The following OR9Q1 variants were observed in gnomAD, a reference collection of about 807,000 sequenced individuals.
The protein encoded by OR9Q1 is olfactory receptor family 9 subfamily Q member 1, also known as olfactory receptor 9Q1.
For synonymous variants in OR9Q1, 153 were observed against 148.6 expected (o/e 1.03, Z -0.22); for missense variants, 374 against 378.8 (o/e 0.99, Z 0.11).
rs1288186083 is a variant in OR9Q1 at position 58,032,362 on chromosome 11, A to C, written c.-93+8258A>C. On this transcript the variant is annotated intron_variant, in intron 1 of 2. Transcript: ENST00000335397. ...TGGAGGCATTATATTATCTGACTTA[A>C]AACTATACTATAAGGCTACAGTAAC... Among the ~76,000 whole-genome samples the C allele has an allele frequency of 2.6e-5, 4 of 152,234 alleles. No homozygotes were observed. The East Asian group carries it at 7.7e-4, about 29-fold the overall frequency.
intron 2 of OR9Q1, among the ~76,000 whole-genome samples, chr11:58,071,231 T>TA (rs1320220646): frequency 2.0e-5 from 3 of 152,212 alleles, no homozygotes; most frequent in Non-Finnish European, 2.9e-5. Flanking sequence ...CTCACGCCTG[T>TA]AATCCCAGCA....
At chr11:58,158,936 T>C (rs551181418) in intron 2 of OR9Q1, among the ~76,000 whole-genome samples, 5 of 152,244 alleles carry the variant, frequency 3.3e-5, no homozygotes, top group African/African-American at 7.2e-5. Flanking sequence ...AGGTTCCTGA[T>C]AGCTCTTCAC....
rs183536312 is a variant in OR9Q1, at chr11:58,105,920, C to T, written c.-15+49973C>T. On this transcript the variant is annotated intron_variant, in intron 2 of 2. Coordinates refer to ENST00000335397, the MANE Select transcript of OR9Q1 (RefSeq NM_001005212.4). ...TAGGCTGTTGTGAGTAATGATGCAA[C>T]GAATGTGGGAGTGCAGATCTTTCTT... is the stretch of plus-strand genomic sequence containing the variant. 1.1e-3 allele frequency among the ~76,000 whole-genome samples: 165 copies of T among 152,124 alleles called. 2 individuals are homozygous for T. Among genetic ancestry groups the T allele is most frequent in the African/African-American group, 2.4e-4 (10 of 41,530 alleles).
At chr11:58,094,762 A>C (rs537634384) in intron 2 of OR9Q1, among the ~76,000 whole-genome samples, 1 of 152,218 alleles carries the variant, frequency 6.6e-6, no homozygotes, top group African/African-American at 2.4e-5. Context: ...AAAATGAACA[A>C]AATTGCCTTT....
chr11:58,030,042 A>G (rs562011098), intron 1 of OR9Q1, among the ~76,000 whole-genome samples: 9 of 152,124 alleles, frequency 5.9e-5, no homozygotes, highest in Non-Finnish European at 8.8e-5. Flanking sequence ...GGGTTTCACA[A>G]TGTTGGCCAG....
Position 58,088,878 on chromosome 11 carries a change from C to CT in OR9Q1, c.-15+32940dup, listed in dbSNP as rs567628509. Among the ~76,000 whole-genome samples the CT allele has an allele frequency of 1.4e-3, 215 of 150,100 alleles. 1 individual carries two copies. The East Asian group carries it at 0.017, about 12-fold the overall frequency. ...ATTTTGGCTTTTGTTGCAATTGCTT[C>CT]TTTTTTTTTGTTTTTGAGACGGAGT... On this transcript the variant is annotated intron_variant, in intron 2 of 2. Coordinates refer to ENST00000335397, the MANE Select transcript of OR9Q1 (RefSeq NM_001005212.4).
Position 58,111,984 on chromosome 11 carries a change from G to C in OR9Q1, c.-15+56037G>C, listed in dbSNP as rs150687844. Among the ~76,000 whole-genome samples, 413 of 152,200 alleles carry C rather than the reference G, an allele frequency of 2.7e-3. 1 individual carries two copies. Among genetic ancestry groups the C allele is most frequent in the African/African-American group, 9.2e-3 (382 of 41,540 alleles). On this transcript the variant is annotated intron_variant, in intron 2 of 2. Coordinates refer to ENST00000335397, the MANE Select transcript of OR9Q1 (RefSeq NM_001005212.4). ...TACTGTTTCTGCTTTGTCTGTCTCT[G>C]AATCATAAGATTATAAATATGGGCC...
intron 2 of OR9Q1, among the ~76,000 whole-genome samples, chr11:58,159,907 T>G (rs1854442175): frequency 6.6e-6 from 1 of 152,192 alleles, no homozygotes; most frequent in Non-Finnish European, 1.5e-5. Flanking sequence ...CGTCAAGAGA[T>G]GGGGTCTATG....
intron 2 of OR9Q1, among the ~76,000 whole-genome samples, chr11:58,078,841 C>T (rs1221363152): frequency 1.3e-5 from 2 of 152,284 alleles, no homozygotes; most frequent in East Asian, 3.9e-4. Flanking sequence ...TTAAAATCCA[C>T]CTGTTGGCTC....
At chr11:58,070,307 T>C (rs981246654) in intron 2 of OR9Q1, among the ~76,000 whole-genome samples, 3 of 151,978 alleles carry the variant, frequency 2.0e-5, no homozygotes, top group Non-Finnish European at 4.4e-5. Context: ...TGAACCACCA[T>C]GTCTGGCTCC....
chr11:58,089,727 TA>T (rs1490253513), intron 2 of OR9Q1, among the ~76,000 whole-genome samples: 6 of 151,986 alleles, frequency 3.9e-5, no homozygotes, highest in Non-Finnish European at 5.9e-5. Flanking sequence ...GCACTGAATC[TA>T]TAAATTACTT....
In OR9Q1 at chr11:58,179,919, C is replaced by A. The variant is rs2513718; in HGVS notation, c.475C>A (p.Arg159=). The A allele has an allele frequency of 2.5e-6, 4 of 1,614,126 alleles. No individual in the cohort carries two copies. The highest frequency in any genetic ancestry group is 3.4e-6 in the Non-Finnish European group (4 of 1,180,028). ...TGCTGGTCTCATCAGTGCCTTGGTG[C>A]GGACAGTCTCAGCCTTCACTCTCTC... ...YVAGLISALV[R]TVSAFTLSFC... Residue 159 remains arginine (R), a synonymous_variant, in exon 3 of 3, where the codon CGG becomes AGG. Coordinates refer to ENST00000335397, the MANE Select transcript of OR9Q1 (RefSeq NM_001005212.4).
intron 2 of OR9Q1, chr11:58,057,769 T>G (rs1853341974): frequency 6.6e-6 from 1 of 152,196 alleles, no homozygotes; most frequent in Non-Finnish European, 1.5e-5. Context: ...AGCAGATTTC[T>G]AAGGCCCTTG....
intron 2 of OR9Q1, among the ~76,000 whole-genome samples, chr11:58,074,448 G>A (rs1387422910): frequency 1.3e-5 from 2 of 152,006 alleles, no homozygotes; most frequent in Non-Finnish European, 2.9e-5. Flanking sequence ...ACTTTTTGAT[G>A]GAGTTGTTTT....
intron 2 of OR9Q1, among the ~76,000 whole-genome samples, chr11:58,085,304 A>G (rs1001432277): frequency 5.9e-5 from 9 of 151,898 alleles, no homozygotes; most frequent in African/African-American, 2.2e-4. Context: ...TGACATATAC[A>G]TACCTGTGAG....
intron 2 of OR9Q1, among the ~76,000 whole-genome samples, chr11:58,170,108 A>C (rs1854540616): frequency 6.6e-6 from 1 of 152,142 alleles, no homozygotes; most frequent in African/African-American, 2.4e-5. Context: ...GTGGATGCAG[A>C]GAATCTCTAG....
At chr11:58,088,821 A>G (rs1853657476) in intron 2 of OR9Q1, among the ~76,000 whole-genome samples, 3 of 151,244 alleles carry the variant, frequency 2.0e-5, no homozygotes, top group Non-Finnish European at 2.9e-5. Context: ...GAAGCTCTTT[A>G]GTTTAATTAA....
intron 2 of OR9Q1, among the ~76,000 whole-genome samples, chr11:58,153,637 A>G (rs1035311228): frequency 2.6e-5 from 4 of 151,496 alleles, no homozygotes; most frequent in Admixed American, 6.6e-5. Context: ...TGGGTTTTAA[A>G]CTCCTGATAT....
intron 2 of OR9Q1, among the ~76,000 whole-genome samples, chr11:58,164,774 A>G (rs1590623429): frequency 1.3e-5 from 2 of 152,200 alleles, no homozygotes; most frequent in African/African-American, 2.4e-5. Flanking sequence ...ATTGAATTAT[A>G]AAATAGTTCC....
Sources: allele counts gnomAD v4.1 joint callset (sites outside exome capture counted in the v4.1 genomes callset), GRCh38; gene constraint gnomAD v4.1.1; transcripts MANE v1.5; gene names NCBI Gene and HGNC (gene_info 2026-07-23, HGNC 2026-07-21).